The following FER1L6 variants were observed in gnomAD, a reference collection of about 807,000 sequenced individuals.
FER1L6 encodes the protein fer-1-like protein 6.
A neutral mutation model predicts 219.2 loss-of-function variants in FER1L6; 177 were observed. The observed-to-expected ratio is 0.81, with a 90% CI of 0.71 to 0.91. FER1L6 has a LOEUF of 0.91. Among genes scored for constraint, FER1L6 ranks in the 40% least tolerant of loss-of-function variants. FER1L6 has a pLI of 0.00. For synonymous variants in FER1L6, 768 were observed against 824.3 expected, an observed-to-expected ratio of 0.93 and a Z score of 1.17; for missense variants, 2,153 against 2,259.9, an observed-to-expected ratio of 0.95 and a Z score of 0.96.
At chr8:123,928,987 G>A (rs1042218014) in intron 1 of FER1L6, among the ~76,000 whole-genome samples, 2 of 152,178 alleles carry the variant, frequency 1.3e-5, no homozygotes, top group Non-Finnish European at 2.9e-5. Flanking sequence ...TTATGAGCTT[G>A]GAACTCACCA....
At chr8:123,959,201 C>T (rs1355648706) in intron 2 of FER1L6, among the ~76,000 whole-genome samples, 1 of 152,130 alleles carries the variant, frequency 6.6e-6, no homozygotes, top group Non-Finnish European at 1.5e-5. Context: ...TAGCTGACTG[C>T]CTTTCTACCT....
Position 123,950,154 on chromosome 8 carries a change from T to C in FER1L6, c.-7-5838T>C, listed in dbSNP as rs1474854357. Among the ~76,000 whole-genome samples, 2 of 152,200 alleles carry C rather than the reference T, an allele frequency of 1.3e-5. 1 individual carries two copies. The highest frequency in any genetic ancestry group is 1.3e-4 in the Admixed American group (2 of 15,278). ...CTTAGGCTGCGGTGGGGGCGTCTAG[T>C]AGTCCTATCTGTACTGCATTGTTGA... On this transcript the variant is annotated intron_variant, in intron 1 of 40. Coordinates refer to ENST00000522917, the MANE Select transcript of FER1L6 (RefSeq NM_001039112.2).
chr8:123,951,159 T>C (rs1460718270), intron 1 of FER1L6, among the ~76,000 whole-genome samples: 1 of 152,136 alleles, frequency 6.6e-6, no homozygotes, highest in Non-Finnish European at 1.5e-5. Flanking sequence ...ACCACAAGGG[T>C]TTGTAAACCT....
chr8:123,979,978 A>T (rs571599242), intron 10 of FER1L6, among the ~76,000 whole-genome samples: 1 of 152,318 alleles, frequency 6.6e-6, no homozygotes, highest in East Asian at 1.9e-4. Context: ...CTCTAGCCAG[A>T]ACACACACTC....
intron 7 of FER1L6, 26 bp downstream of exon 7, chr8:123,973,538 G>T: frequency 6.4e-7 from 1 of 1,569,544 alleles, no homozygotes; most frequent in South Asian, 1.1e-5. Flanking sequence ...CTCCCCATCT[G>T]TATCTCACTT....
At chr8:123,880,526 C>A (rs1817090456) in intron 1 of FER1L6, among the ~76,000 whole-genome samples, 1 of 152,156 alleles carries the variant, frequency 6.6e-6, no homozygotes, top group South Asian at 2.1e-4. Flanking sequence ...GTGGTCCCAC[C>A]ACCCAATACC....
chr8:123,975,711 A>C (rs1253940222), intron 8 of FER1L6, among the ~76,000 whole-genome samples, 187 bp from the exon 9 acceptor site: 1 of 152,200 alleles, frequency 6.6e-6, no homozygotes, highest in East Asian at 1.9e-4. Context: ...ACGAGTTTGC[A>C]TTCACTCTAT....
intron 2 of FER1L6, among the ~76,000 whole-genome samples, chr8:123,957,235 C>T (rs1815062831): frequency 6.6e-6 from 1 of 152,278 alleles, no homozygotes; most frequent in Non-Finnish European, 1.5e-5. Context: ...AGTATGGAAA[C>T]TCATTAACAC....
rs77968567 is a variant in FER1L6 at position 124,068,776 on chromosome 8, T to C, written c.3719-584T>C. ...CCCACTGGCCCATAGATTAGGGCCATTGCCCTATTCCTATTGCTCAGCCCT... is the reference window on the plus strand; with the variant it reads ...CCCACTGGCCCATAGATTAGGGCCACTGCCCTATTCCTATTGCTCAGCCCT... On this transcript the variant is annotated intron_variant, in intron 28 of 40. Transcript: ENST00000522917. Among the ~76,000 whole-genome samples the C allele has an allele frequency of 3.2e-4, 48 of 152,244 alleles. No homozygotes were observed. In the East Asian group the frequency reaches 8.7e-3, roughly 28 times the overall value.
intron 12 of FER1L6, among the ~76,000 whole-genome samples, chr8:124,000,441 T>A (rs1416369453): frequency 1.3e-5 from 2 of 152,162 alleles, no homozygotes; most frequent in African/African-American, 4.8e-5. Flanking sequence ...CACTTCAGGG[T>A]TCTATTGGCC....
intron 6 of FER1L6, 80 bp from the exon 7 acceptor site, chr8:123,973,354 C>A: frequency 8.6e-7 from 1 of 1,156,382 alleles, no homozygotes; most frequent in Non-Finnish European, 1.3e-6. Context: ...GTGCTCCAGA[C>A]AGGGTCAAAG....
chr8:123,916,926 A>G (rs1370995350), intron 1 of FER1L6, among the ~76,000 whole-genome samples: 1 of 152,052 alleles, frequency 6.6e-6, no homozygotes, highest in African/African-American at 2.4e-5. Context: ...TTTGACTACC[A>G]CCTCTGCTTA....
chr8:124,066,930 C>A (rs73703917), intron 27 of FER1L6, among the ~76,000 whole-genome samples: 2,670 of 152,152 alleles, frequency 0.018, 76 homozygotes, highest in African/African-American at 0.061. Context: ...TCTAAGGACC[C>A]CAAGTCTTCA....
intron 11 of FER1L6, among the ~76,000 whole-genome samples, chr8:123,983,885 T>A (rs1474607103): frequency 6.6e-6 from 1 of 152,170 alleles, no homozygotes; most frequent in Non-Finnish European, 1.5e-5. Context: ...TCATTGTCTG[T>A]GAGTGAGTAA....
intron 27 of FER1L6, among the ~76,000 whole-genome samples, chr8:124,067,385 A>G (rs901844314): frequency 6.6e-6 from 1 of 152,166 alleles, no homozygotes; most frequent in African/African-American, 2.4e-5. Flanking sequence ...AACCTATGGT[A>G]CCATCCCAAA....
chr8:123,978,022 G>T (rs1816170434), intron 10 of FER1L6, among the ~76,000 whole-genome samples: 1 of 152,140 alleles, frequency 6.6e-6, no homozygotes. Context: ...CTGGGTTAGA[G>T]CACCTTCCAG....
chr8:124,086,094 A>ATCT (rs1216399399), intron 33 of FER1L6, among the ~76,000 whole-genome samples: 1 of 152,060 alleles, frequency 6.6e-6, no homozygotes, highest in Non-Finnish European at 1.5e-5. Flanking sequence ...GTCTATGTGT[A>ATCT]TCTTTATAGG....
intron 18 of FER1L6, among the ~76,000 whole-genome samples, chr8:124,032,206 C>T (rs1457431256): frequency 6.6e-6 from 1 of 152,046 alleles, no homozygotes; most frequent in South Asian, 2.1e-4. Flanking sequence ...GGGTGGATCA[C>T]CTGAGGTCAG....
At chr8:124,031,031 T>C (rs1433568380) in intron 18 of FER1L6, among the ~76,000 whole-genome samples, 1 of 152,138 alleles carries the variant, frequency 6.6e-6, no homozygotes, top group Non-Finnish European at 1.5e-5. Flanking sequence ...TAATTGTTTT[T>C]CTCTGTTGTG....
Sources: gnomAD v4.1 joint callset for allele counts (sites outside exome capture counted in the v4.1 genomes callset) on GRCh38, gnomAD v4.1.1 for gene constraint, MANE v1.5 for transcripts, NCBI Gene and HGNC (gene_info 2026-07-23, HGNC 2026-07-21) for gene names.